SI: variants seen among roughly 807,000 people sequenced by gnomAD.
SI encodes sucrase-isomaltase, intestinal.
Under a neutral mutation model 253.3 loss-of-function variants are expected in SI, and 235 were observed. The observed-to-expected ratio is 0.93, with a 90% CI of 0.83 to 1.03. The LOEUF (loss-of-function observed/expected upper bound fraction) is 1.03, where lower values mean the gene tolerates loss of function less well. SI is among the 50% of genes least tolerant of loss of function. The pLI is 0.00. For missense variants in SI, 2,442 were observed against 2,211.1 expected, an observed-to-expected ratio of 1.10 and a Z score of -2.09; for synonymous variants, 819 against 712.0, an observed-to-expected ratio of 1.15 and a Z score of -2.39.
intron 43 of SI, 30 bp downstream of exon 43, chr3:164,992,147 T>C (rs769159324): frequency 3.2e-6 from 5 of 1,571,224 alleles, no homozygotes; most frequent in South Asian, 2.2e-5. Context: ...TTCTGTTTAG[T>C]TAATTCCCCA....
chr3:165,089,050 G>A, the SI span, among the ~76,000 whole-genome samples: 1 of 148,630 alleles, frequency 6.7e-6, no homozygotes, highest in African/African-American at 2.5e-5. Flanking sequence ...TGCTGTCTTG[G>A]TTTTAACTTT....
At chr3:165,030,617 T>G in intron 25 of SI, 95 bp downstream of exon 25, 1 of 1,292,040 alleles carries the variant, frequency 7.7e-7, no homozygotes, top group South Asian at 1.2e-5. Context: ...GAATTTAGTT[T>G]ATATGCTGCA....
chr3:165,051,563 G>T (rs761963152), intron 13 of SI, among the ~76,000 whole-genome samples: 2 of 151,804 alleles, frequency 1.3e-5, no homozygotes, highest in African/African-American at 2.4e-5. Flanking sequence ...TCATGATTCC[G>T]CCAATAACAT....
Position 165,055,317 on chromosome 3 carries a change from T to G in SI, c.1399-10A>C. On this transcript the variant is annotated splice_polypyrimidine_tract_variant and intron_variant, in intron 12 of 47. Transcript: ENST00000264382. ...TTAATCCTGGCCATACCTAGAAGAA[T>G]AGATCATTCACATATATACATAAAA... 1 of 1,384,682 alleles carries G rather than the reference T, an allele frequency of 7.2e-7. No individual in the cohort carries two copies. The highest frequency in any genetic ancestry group is 1.0e-6 in the Non-Finnish European group (1 of 972,628). The allele number at this position is 1,384,682 out of a possible 1,614,324, so 85.8% of individuals were successfully genotyped here.
chr3:165,086,570 A>C, the SI span, among the ~76,000 whole-genome samples: 1 of 152,202 alleles, frequency 6.6e-6, no homozygotes, highest in Non-Finnish European at 1.5e-5. Flanking sequence ...TGCCTTCTGC[A>C]CAAAATTTAG....
chr3:165,009,197 CATT>C, intron 35 of SI, 79 bp downstream of exon 35: 1 of 917,864 alleles, frequency 1.1e-6, no homozygotes, highest in Non-Finnish European at 1.8e-6. Flanking sequence ...ATTTTGTTGA[CATT>C]ATTTGAGCCA....
intron 37 of SI, among the ~76,000 whole-genome samples, chr3:165,003,889 A>G (rs1364282351): frequency 6.6e-6 from 1 of 152,122 alleles, no homozygotes; most frequent in Admixed American, 6.6e-5. Flanking sequence ...AAGAGGAATG[A>G]GAAGACCATT....
intron 41 of SI, 77 bp downstream of exon 41, chr3:164,994,180 T>C: frequency 2.3e-6 from 3 of 1,296,422 alleles, no homozygotes; most frequent in Non-Finnish European, 3.3e-6. Flanking sequence ...TATTTTATAT[T>C]GCACTATAAG....
chr3:165,087,173 G>A, the SI span, among the ~76,000 whole-genome samples: 2 of 151,232 alleles, frequency 1.3e-5, no homozygotes, highest in African/African-American at 4.9e-5. Flanking sequence ...CTGTCTTGGA[G>A]AATGGGTAGA....
In SI at chr3:165,058,957, T is replaced by C; in HGVS notation, c.1398+6A>G. ...CAACATAGTTTTAATAAATATCATA[T>C]TTTACCTCTCCAATAATTGGTGTAC... On this transcript the variant is annotated splice_donor_region_variant and intron_variant, in intron 12 of 47. Coordinates refer to ENST00000264382, the MANE Select transcript of SI (RefSeq NM_001041.4). 6.2e-7 allele frequency: 1 copy of C among 1,609,424 alleles called. No homozygotes were observed. Among genetic ancestry groups the C allele is most frequent in the Non-Finnish European group, 8.5e-7 (1 of 1,176,658 alleles).
chr3:165,024,037 C>A (rs1711773575), intron 25 of SI, among the ~76,000 whole-genome samples: 2 of 151,232 alleles, frequency 1.3e-5, no homozygotes, highest in African/African-American at 4.8e-5. Flanking sequence ...TTTTTTAACT[C>A]AAAAAATAGC....
At chr3:165,042,848 T>C (rs1401693914) in intron 17 of SI, among the ~76,000 whole-genome samples, 2 of 152,082 alleles carry the variant, frequency 1.3e-5, no homozygotes, top group African/African-American at 4.8e-5. Flanking sequence ...TGTGAATACA[T>C]TGCATTTCAT....
At chr3:165,043,225 G>C in intron 16 of SI, 50 bp from the exon 17 acceptor site, 1 of 1,311,814 alleles carries the variant, frequency 7.6e-7, no homozygotes, top group Non-Finnish European at 1.1e-6. Flanking sequence ...TCTCAAATTT[G>C]CCTAGAGCAT....
Position 165,033,879 on chromosome 3 carries a change from A to G in SI, c.2516-435T>C, listed in dbSNP as rs188415931. Among the ~76,000 whole-genome samples the G allele has an allele frequency of 5.9e-4, 90 of 151,666 alleles. 1 individual carries two copies. In the East Asian group the frequency reaches 9.1e-3, roughly 15 times the overall value. ...TTCTATTATTTTTTATTCAAGGAAAACAATAAATCTGGAGACATGTTGAAG... is the reference window on the plus strand; with the variant it reads ...TTCTATTATTTTTTATTCAAGGAAAGCAATAAATCTGGAGACATGTTGAAG... On this transcript the variant is annotated intron_variant, in intron 22 of 47. Coordinates refer to ENST00000264382, the MANE Select transcript of SI (RefSeq NM_001041.4).
chr3:165,083,331 T>C (rs1419716488), upstream of SI, among the ~76,000 whole-genome samples: 1 of 151,878 alleles, frequency 6.6e-6, no homozygotes, highest in Non-Finnish European at 1.5e-5. Context: ...AGTACATTTT[T>C]TTTTAAAAAA....
intron 36 of SI, among the ~76,000 whole-genome samples, 166 bp from the exon 37 acceptor site, chr3:165,007,120 A>T (rs943651905): frequency 6.6e-6 from 1 of 152,174 alleles, no homozygotes; most frequent in Admixed American, 6.5e-5. Flanking sequence ...TATCAACTTA[A>T]AATGGCCTGA....
intron 16 of SI, among the ~76,000 whole-genome samples, chr3:165,044,867 T>G (rs1325390605): frequency 2.0e-5 from 3 of 152,070 alleles, no homozygotes; most frequent in African/African-American, 7.2e-5. Context: ...TCTTCTGAAA[T>G]GGATAAAGTT....
chr3:165,074,567 C>T lies in SI; in HGVS notation c.219G>A (p.Val73=), dbSNP rs1576927515. The T allele has an allele frequency of 6.2e-7, 1 of 1,609,666 alleles. No homozygotes were observed. Among genetic ancestry groups the T allele is most frequent in the Non-Finnish European group, 8.5e-7 (1 of 1,177,400 alleles). Residue 73 remains valine (V), a synonymous_variant, in exon 3 of 48, where the codon GTG becomes GTA. Coordinates refer to ENST00000264382, the MANE Select transcript of SI (RefSeq NM_001041.4). ...CPNVLNDPVN[V]RINCIPEQFP... ...ATTGTTCTGGAATGCAGTTTATTCT[C>T]ACATTGACAGGATCATTTAACACAT...
chr3:165,070,241 T>C (rs906996208), intron 3 of SI, among the ~76,000 whole-genome samples: 3 of 143,432 alleles, frequency 2.1e-5, no homozygotes, highest in African/African-American at 8.0e-5. Context: ...AAAATACACA[T>C]AGTTTTATTT....
Sources: gnomAD v4.1 joint callset for allele counts (sites outside exome capture counted in the v4.1 genomes callset) on GRCh38, gnomAD v4.1.1 for gene constraint, MANE v1.5 for transcripts, NCBI Gene and HGNC (gene_info 2026-07-23, HGNC 2026-07-21) for gene names.